The following CNTN6 variants were observed in gnomAD, a reference collection of about 807,000 sequenced individuals.
CNTN6 encodes the protein contactin 6.
A neutral mutation model predicts 122.8 loss-of-function variants in CNTN6; 137 were observed. That is an observed-to-expected ratio of 1.12 (90% CI 0.97 to 1.29). The LOEUF is 1.29. Ranked by LOEUF, CNTN6 falls within the 50% of genes most tolerant of loss-of-function variation. The pLI, the probability that CNTN6 is intolerant of heterozygous loss-of-function variation, is 0.00. For synonymous variants in CNTN6, 570 were observed against 426.0 expected (o/e 1.34, Z -4.16); for missense variants, 1,634 against 1,223.4 (o/e 1.34, Z -5.01).
intron 17 of CNTN6, among the ~76,000 whole-genome samples, chr3:1,377,349 C>T (rs1710024254): frequency 6.6e-6 from 1 of 152,056 alleles, no homozygotes; most frequent in Admixed American, 6.6e-5. Flanking sequence ...TTCGTTATCG[C>T]TTGATGAATT....
chr3:1,143,350 C>A (rs2092655472), intron 1 of CNTN6, among the ~76,000 whole-genome samples: 1 of 152,008 alleles, frequency 6.6e-6, no homozygotes, highest in African/African-American at 2.4e-5. Flanking sequence ...CTGCTCTGGG[C>A]CAAATTATCA....
intron 1 of CNTN6, among the ~76,000 whole-genome samples, chr3:1,134,065 C>T (rs939258451): frequency 1.3e-5 from 2 of 152,198 alleles, no homozygotes; most frequent in African/African-American, 2.4e-5. Flanking sequence ...ACTGTGCTTC[C>T]TGTAAATAAT....
At chr3:1,319,373 G>A (rs1700533841) in intron 7 of CNTN6, among the ~76,000 whole-genome samples, 1 of 151,594 alleles carries the variant, frequency 6.6e-6, no homozygotes, top group African/African-American at 2.4e-5. Flanking sequence ...GAAATTATAT[G>A]TACGTATTGT....
At chr3:1,334,004 T>A (rs1702691372) in intron 11 of CNTN6, among the ~76,000 whole-genome samples, 1 of 152,152 alleles carries the variant, frequency 6.6e-6, no homozygotes, top group Non-Finnish European at 1.5e-5. Context: ...AGTGAACATG[T>A]TTCTTATTAG....
At chr3:1,202,085 T>G (rs1446230220) in intron 2 of CNTN6, among the ~76,000 whole-genome samples, 4 of 152,250 alleles carry the variant, frequency 2.6e-5, no homozygotes, top group African/African-American at 7.2e-5. Flanking sequence ...AAATGAAACT[T>G]TTCCTGCATT....
At chr3:1,154,209 A>G (rs928346232) in intron 2 of CNTN6, among the ~76,000 whole-genome samples, 2 of 152,146 alleles carry the variant, frequency 1.3e-5, no homozygotes, top group African/African-American at 4.8e-5. Flanking sequence ...ATGTTTTGTC[A>G]GCACTGGGGG....
At chr3:1,185,938 C>A (rs1846463) in intron 2 of CNTN6, among the ~76,000 whole-genome samples, 84,514 of 151,972 alleles carry the variant, frequency 0.56, 26,155 homozygotes, top group African/African-American at 0.85. Context: ...ACATTTTAGG[C>A]CTTTGTTACT....
chr3:1,349,382 C>T (rs1276163102), intron 11 of CNTN6, among the ~76,000 whole-genome samples: 4 of 151,224 alleles, frequency 2.6e-5, no homozygotes, highest in African/African-American at 9.8e-5. Context: ...CTTATCTATT[C>T]TTCTGGCTGT....
rs551986446 is a variant in CNTN6, at chr3:1,226,594, T to G, written c.183-1224T>G. On this transcript the variant is annotated intron_variant, in intron 3 of 22. Coordinates refer to ENST00000446702, the MANE Select transcript of CNTN6 (RefSeq NM_001289080.2). ...ATTGGAACAAAAGGCCTTGCTAACT[T>G]CCCGCCAGTTTCTTACCATTAGATC... 2.3e-3 allele frequency among the ~76,000 whole-genome samples: 356 copies of G among 152,212 alleles called. 1 individual carries two copies. The highest frequency in any genetic ancestry group is 4.0e-3 in the Non-Finnish European group (270 of 68,008).
At chr3:1,151,864 C>A (rs951868584) in intron 2 of CNTN6, among the ~76,000 whole-genome samples, 1 of 150,944 alleles carries the variant, frequency 6.6e-6, no homozygotes, top group African/African-American at 2.4e-5. Context: ...AGGAAAAGAG[C>A]AAATAAAAGA....
chr3:1,209,382 C>T (rs1337486590), intron 2 of CNTN6, among the ~76,000 whole-genome samples: 1 of 152,076 alleles, frequency 6.6e-6, no homozygotes, highest in East Asian at 1.9e-4. Flanking sequence ...CAAGCATGGC[C>T]ACTGTCAGGT....
At position 1,373,637 on chromosome 3, in the gene CNTN6, A is replaced by G. The variant is rs374663943; in HGVS notation, c.1820A>G (p.Glu607Gly). The change falls in exon 15 of 23, where the codon GAA becomes GGA. Residue 607 changes from glutamate to glycine, a missense_variant. Transcript: ENST00000446702. ...PPGPPEDVQVEDISSTTSQLS... is the reference protein window; with the variant it reads ...PPGPPEDVQVGDISSTTSQLS... ...GGTCCTCCTGAGGATGTGCAAGTGG[A>G]AGACATTTCCAGTACTACTTCTCAA... The G allele has an allele frequency of 3.1e-6, 5 of 1,612,580 alleles. No homozygotes were observed. In the African/African-American group the frequency reaches 6.7e-5, roughly 22 times the overall value.
intron 1 of CNTN6, among the ~76,000 whole-genome samples, chr3:1,105,692 C>T (rs1018288503): frequency 1.3e-5 from 2 of 152,076 alleles, no homozygotes; most frequent in African/African-American, 4.8e-5. Context: ...TCCCTAATTG[C>T]ACATCTGGTC....
At chr3:1,255,074 A>G (rs1295912432) in intron 4 of CNTN6, among the ~76,000 whole-genome samples, 1 of 152,088 alleles carries the variant, frequency 6.6e-6, no homozygotes, top group East Asian at 1.9e-4. Flanking sequence ...CCAGCCTGCT[A>G]CTCCAGGCTT....
intron 6 of CNTN6, among the ~76,000 whole-genome samples, chr3:1,296,006 C>G (rs1217177156): frequency 2.0e-5 from 3 of 152,156 alleles, no homozygotes; most frequent in Non-Finnish European, 4.4e-5. Context: ...TCTGGGTATA[C>G]CAAGCCATCT....
chr3:1,133,942 G>C (rs1246465875), intron 1 of CNTN6, among the ~76,000 whole-genome samples: 1 of 152,124 alleles, frequency 6.6e-6, no homozygotes, highest in Non-Finnish European at 1.5e-5. Flanking sequence ...TTCCCTTCCT[G>C]GATGTTTTCT....
At chr3:1,210,410 G>A (rs112749388) in intron 2 of CNTN6, among the ~76,000 whole-genome samples, 5 of 68,178 alleles carry the variant, frequency 7.3e-5, no homozygotes, top group African/African-American at 2.3e-4. Context: ...GAAGGAAAGG[G>A]AAGGAAAAAG....
At chr3:1,239,184 G>T (rs909965873) in intron 4 of CNTN6, among the ~76,000 whole-genome samples, 19 of 152,114 alleles carry the variant, frequency 1.2e-4, no homozygotes, top group African/African-American at 4.3e-4. Context: ...TCAGAAAAGA[G>T]AAAGAAATAA....
chr3:1,387,565 G>C (rs1357064597), intron 20 of CNTN6, among the ~76,000 whole-genome samples: 4 of 151,998 alleles, frequency 2.6e-5, no homozygotes, highest in African/African-American at 4.8e-5. Flanking sequence ...TGTGTAGGGG[G>C]AGGAGCCAAG....
Sources: gnomAD v4.1 joint callset for allele counts (sites outside exome capture counted in the v4.1 genomes callset) on GRCh38, gnomAD v4.1.1 for gene constraint, MANE v1.5 for transcripts, NCBI Gene and HGNC (gene_info 2026-07-23, HGNC 2026-07-21) for gene names.